The following CLCN5 variants were observed in gnomAD, a reference collection of about 807,000 sequenced individuals.
The protein encoded by CLCN5 is Cl-/H+ antiporter 5, also known as H(+)/Cl(-) exchange transporter 5.
A neutral mutation model predicts 54.0 loss-of-function variants in CLCN5; 17 were observed. The observed-to-expected ratio is 0.31, with a 90% CI of 0.22 to 0.47. The LOEUF (loss-of-function observed/expected upper bound fraction) is 0.47. Among genes scored for constraint, CLCN5 ranks in the 20% least tolerant of loss-of-function variants. The pLI is 1.00. For missense variants in CLCN5, 448 were observed against 646.7 expected (o/e 0.69, Z 3.33); for synonymous variants, 222 against 233.0 (o/e 0.95, Z 0.43).
At chrX:49,948,466 G>C (rs1235299285) in intron 3 of CLCN5, among the ~76,000 whole-genome samples, 1 of 110,940 alleles carries the variant, frequency 9.0e-6, no homozygotes, top group African/African-American at 3.3e-5. Context: ...TTTTAATTCT[G>C]TGGTTCTTTC....
chrX:50,091,373 A>G (rs1268358822), intron 14 of CLCN5, among the ~76,000 whole-genome samples: 1 of 112,255 alleles, frequency 8.9e-6, no homozygotes, highest in Non-Finnish European at 1.9e-5. Context: ...CCTTCCTGGG[A>G]TAGTTCTTAT....
intron 3 of CLCN5, among the ~76,000 whole-genome samples, chrX:49,981,753 A>G (rs1361786781): frequency 3.7e-5 from 4 of 108,568 alleles, no homozygotes; most frequent in Non-Finnish European, 7.6e-5. Flanking sequence ...TATTTGGACT[A>G]CAATTAATTG....
chrX:49,932,034 G>A (rs1369064322), intron 3 of CLCN5, among the ~76,000 whole-genome samples: 3 of 111,444 alleles, frequency 2.7e-5, no homozygotes, highest in Non-Finnish European at 5.7e-5. Flanking sequence ...TCCCACCTCA[G>A]CCTCCTGAGT....
At chrX:50,019,613 G>A (rs1189085504) in intron 3 of CLCN5, among the ~76,000 whole-genome samples, 3 of 48,895 alleles carry the variant, frequency 6.1e-5, no homozygotes, top group African/African-American at 1.6e-4. Context: ...ATCTCCCAAT[G>A]CTATCCCTCC....
At chrX:50,056,560 G>T (rs1557188979) in intron 4 of CLCN5, among the ~76,000 whole-genome samples, 2 of 111,811 alleles carry the variant, frequency 1.8e-5, no homozygotes, top group Admixed American at 1.9e-4. Context: ...GGAGCCTGCA[G>T]ATACCAAGCC....
At chrX:50,059,510 A>G (rs1932817875) in intron 4 of CLCN5, among the ~76,000 whole-genome samples, 1 of 111,553 alleles carries the variant, frequency 9.0e-6, no homozygotes, top group African/African-American at 3.3e-5. Flanking sequence ...AGTTGGTAAG[A>G]ATTTCTTTAT....
At chrX:49,958,814 G>C (rs1039546898) in intron 3 of CLCN5, among the ~76,000 whole-genome samples, 4 of 111,774 alleles carry the variant, frequency 3.6e-5, no homozygotes, top group African/African-American at 1.3e-4. Flanking sequence ...ACTGTTTCCA[G>C]TTTGAAAAAT....
intron 4 of CLCN5, among the ~76,000 whole-genome samples, chrX:50,063,585 G>A (rs1188184240): frequency 1.9e-5 from 2 of 107,545 alleles, no homozygotes; most frequent in East Asian, 2.9e-4. Flanking sequence ...GAGGTACAAG[G>A]AGGAACTGGT....
chrX:50,000,419 C>T (rs7062837), intron 3 of CLCN5, among the ~76,000 whole-genome samples: 16,584 of 110,094 alleles, frequency 0.15, 3,143 homozygotes, highest in African/African-American at 0.53. Flanking sequence ...ACCTTATTAC[C>T]CCTTTTCTGT....
chrX:49,935,372 G>A (rs1925889793), intron 3 of CLCN5, among the ~76,000 whole-genome samples: 2 of 112,011 alleles, frequency 1.8e-5, no homozygotes, highest in Non-Finnish European at 1.9e-5. Flanking sequence ...GGCATTGACT[G>A]CACTTGTTCA....
intron 3 of CLCN5, among the ~76,000 whole-genome samples, chrX:49,971,741 G>A (rs1928223483): frequency 1.8e-5 from 2 of 111,920 alleles, no homozygotes; most frequent in African/African-American, 6.5e-5. Flanking sequence ...TGGTAAGGAA[G>A]TAGTTCAATG....
intron 12 of CLCN5, among the ~76,000 whole-genome samples, chrX:50,089,370 G>A (rs1167931752): frequency 1.8e-5 from 2 of 111,971 alleles, no homozygotes; most frequent in Non-Finnish European, 1.9e-5. Flanking sequence ...GGGAAACATG[G>A]CAGAAAATTA....
intron 3 of CLCN5, among the ~76,000 whole-genome samples, chrX:49,973,437 A>C (rs980843722): frequency 1.6e-4 from 18 of 110,063 alleles, no homozygotes; most frequent in Non-Finnish European, 3.2e-4. Flanking sequence ...ATATGTATAC[A>C]TGTGCCATGT....
At chrX:50,044,086 T>C (rs892139853) in intron 4 of CLCN5, among the ~76,000 whole-genome samples, 2 of 111,944 alleles carry the variant, frequency 1.8e-5, no homozygotes, top group East Asian at 5.6e-4. Flanking sequence ...ATACTTATGA[T>C]AGTTCCTACC....
intron 4 of CLCN5, among the ~76,000 whole-genome samples, chrX:50,059,146 G>A (rs1224818878): frequency 8.9e-5 from 10 of 112,428 alleles, no homozygotes; most frequent in Non-Finnish European, 1.9e-4. Flanking sequence ...TAAGCTGTTT[G>A]TCATCAAGTC....
chrX:50,012,157 G>A (rs1418192714), intron 3 of CLCN5, among the ~76,000 whole-genome samples: 1 of 111,338 alleles, frequency 9.0e-6, no homozygotes, highest in Non-Finnish European at 1.9e-5. Context: ...GTATGTAGCA[G>A]AGAGTGAGTC....
At chrX:50,061,978 G>C (rs1314020066) in intron 4 of CLCN5, among the ~76,000 whole-genome samples, 3 of 85,914 alleles carry the variant, frequency 3.5e-5, no homozygotes, top group Non-Finnish European at 4.3e-5. Context: ...GTCACCACCA[G>C]GCCTGCCCTA....
At chrX:50,046,823 A>AT (rs1932410517) in intron 4 of CLCN5, among the ~76,000 whole-genome samples, 2 of 111,253 alleles carry the variant, frequency 1.8e-5, no homozygotes, top group African/African-American at 3.3e-5. Context: ...AAAAGGCCTG[A>AT]ATGAAGACAG....
chrX:50,018,270 T>G (rs1557183858), intron 3 of CLCN5, among the ~76,000 whole-genome samples: 1 of 112,278 alleles, frequency 8.9e-6, no homozygotes, highest in African/African-American at 3.2e-5. Flanking sequence ...TTCCAGTTTG[T>G]CATTGCTAGT....
Sources: allele counts gnomAD v4.1 joint callset (sites outside exome capture counted in the v4.1 genomes callset), GRCh38; gene constraint gnomAD v4.1.1; transcripts MANE v1.5; gene names NCBI Gene and HGNC (gene_info 2026-07-23, HGNC 2026-07-21).